GAREM1: variants seen among roughly 807,000 people sequenced by gnomAD.
GAREM1 encodes GRB2-associated and regulator of MAPK protein 1.
Under a neutral mutation model 71.3 loss-of-function variants are expected in GAREM1, and 26 were observed. The ratio of observed to expected loss-of-function variants is 0.36; its 90% CI spans 0.27 to 0.51. The LOEUF is 0.51. Ranked by LOEUF, GAREM1 falls within the 20% of genes least tolerant of loss-of-function variation. The pLI, the probability that GAREM1 is intolerant of heterozygous loss-of-function variation, is 0.95. For synonymous variants in GAREM1, 440 were observed against 433.2 expected, an observed-to-expected ratio of 1.02 and a Z score of -0.20; for missense variants, 1,026 against 1,103.1, an observed-to-expected ratio of 0.93 and a Z score of 0.99.
At chr18:32,422,302 C>T (rs1252652961) in intron 1 of GAREM1, among the ~76,000 whole-genome samples, 5 of 152,148 alleles carry the variant, frequency 3.3e-5, no homozygotes, top group Non-Finnish European at 7.3e-5. Context: ...TCTCTGACTT[C>T]TAACTCCCAT....
intron 1 of GAREM1, among the ~76,000 whole-genome samples, chr18:32,419,631 A>G (rs1462891478): frequency 6.6e-6 from 1 of 152,166 alleles, no homozygotes; most frequent in Non-Finnish European, 1.5e-5. Flanking sequence ...TTGTTACAGC[A>G]GCCTGAACTA....
chr18:32,344,631 A>G (rs2047677176), intron 2 of GAREM1, among the ~76,000 whole-genome samples: 1 of 152,224 alleles, frequency 6.6e-6, no homozygotes, highest in South Asian at 2.1e-4. Context: ...ATGGGTAAAA[A>G]AATTAACTAA....
At position 32,280,440 on chromosome 18, in the gene GAREM1, A is replaced by C. The variant is rs534174361; in HGVS notation, c.1566+6591T>G. ...TATCCAAGGCCACTTCTCACCTTTGATATTTCTGTGTTGGTTTGCCCGGGA... is the reference window on the plus strand; with the variant it reads ...TATCCAAGGCCACTTCTCACCTTTGCTATTTCTGTGTTGGTTTGCCCGGGA... On this transcript the variant is annotated intron_variant, in intron 4 of 5. Transcript: ENST00000269209. 7.9e-5 allele frequency among the ~76,000 whole-genome samples: 12 copies of C among 152,212 alleles called. No individual in the cohort carries two copies. The South Asian group carries it at 2.5e-3, about 32-fold the overall frequency.
intron 4 of GAREM1, among the ~76,000 whole-genome samples, chr18:32,278,251 A>C (rs1157187624): frequency 6.6e-6 from 1 of 152,212 alleles, no homozygotes; most frequent in African/African-American, 2.4e-5. Flanking sequence ...TGATGGATCT[A>C]GGGACATCTG....
At chr18:32,358,598 C>T (rs1182202633) in intron 2 of GAREM1, among the ~76,000 whole-genome samples, 2 of 152,102 alleles carry the variant, frequency 1.3e-5, no homozygotes, top group East Asian at 3.9e-4. Context: ...TTTCCCACAC[C>T]AAATGTCTTC....
chr18:32,375,744 C>T (rs2048025008), intron 2 of GAREM1, among the ~76,000 whole-genome samples: 1 of 152,048 alleles, frequency 6.6e-6, no homozygotes, highest in Non-Finnish European at 1.5e-5. Context: ...ATAGGATCTG[C>T]CTGCCTCTTC....
At chr18:32,391,989 G>C (rs1035396155) in intron 2 of GAREM1, among the ~76,000 whole-genome samples, 5 of 152,096 alleles carry the variant, frequency 3.3e-5, no homozygotes, top group Non-Finnish European at 7.3e-5. Context: ...TAGACAGTGG[G>C]AATACAGTAA....
intron 4 of GAREM1, among the ~76,000 whole-genome samples, chr18:32,272,955 G>T (rs2144422449): frequency 6.6e-6 from 1 of 152,332 alleles, no homozygotes; most frequent in African/African-American, 2.4e-5. Context: ...TTCTGGCTTT[G>T]GTTCATCTTC....
chr18:32,389,416 A>C (rs541407205), intron 2 of GAREM1, among the ~76,000 whole-genome samples: 4 of 152,188 alleles, frequency 2.6e-5, no homozygotes, highest in Non-Finnish European at 5.9e-5. Flanking sequence ...AATTACCCTA[A>C]GAGAAAGGCA....
intron 4 of GAREM1, among the ~76,000 whole-genome samples, chr18:32,278,212 T>C (rs982711807): frequency 2.0e-5 from 3 of 152,130 alleles, no homozygotes; most frequent in African/African-American, 7.2e-5. Context: ...TTCAGAGCAG[T>C]GGTGGGTGCT....
chr18:32,362,225 G>A (rs549463446), intron 2 of GAREM1, among the ~76,000 whole-genome samples: 1 of 152,240 alleles, frequency 6.6e-6, no homozygotes, highest in East Asian at 1.9e-4. Context: ...CAGTCTTCAC[G>A]ATTCACAGTT....
chr18:32,373,949 T>A (rs567824699), intron 2 of GAREM1, among the ~76,000 whole-genome samples: 1 of 152,350 alleles, frequency 6.6e-6, no homozygotes, highest in South Asian at 2.1e-4. Context: ...GATGACAATG[T>A]TCTTACAGAT....
chr18:32,301,593 G>C (rs1210762978), intron 3 of GAREM1, among the ~76,000 whole-genome samples: 1 of 152,196 alleles, frequency 6.6e-6, no homozygotes, highest in African/African-American at 2.4e-5. Context: ...GAACTCACCA[G>C]CCTCAGCCAA....
rs117739976 is a variant in GAREM1 at position 32,306,394 on chromosome 18, T to C, written c.393+3799A>G. Reference sequence around the variant, plus strand: ...TAATGCCTCTCAACCTTGGCACTACTGACATTTTGGGTTGGACAATCCTTT... The same window carrying C: ...TAATGCCTCTCAACCTTGGCACTACCGACATTTTGGGTTGGACAATCCTTT... On this transcript the variant is annotated intron_variant, in intron 3 of 5. Coordinates refer to ENST00000269209, the MANE Select transcript of GAREM1 (RefSeq NM_001242409.2). Among the ~76,000 whole-genome samples, 239 of 152,296 alleles carry C rather than the reference T, an allele frequency of 1.6e-3. 6 individuals are homozygous for C. In the East Asian group the frequency reaches 0.043, roughly 27 times the overall value.
At chr18:32,445,285 A>G (rs2048775790) in intron 1 of GAREM1, among the ~76,000 whole-genome samples, 1 of 152,170 alleles carries the variant, frequency 6.6e-6, no homozygotes, top group Admixed American at 6.6e-5. Flanking sequence ...TTACAGAATT[A>G]TTAAAAGATA....
intron 1 of GAREM1, among the ~76,000 whole-genome samples, chr18:32,402,788 G>A (rs1246346871): frequency 6.6e-6 from 1 of 152,000 alleles, no homozygotes; most frequent in Non-Finnish European, 1.5e-5. Context: ...CCCTTCATTA[G>A]GCATCATATA....
chr18:32,354,259 T>A (rs1199147083), intron 2 of GAREM1, among the ~76,000 whole-genome samples: 3 of 152,198 alleles, frequency 2.0e-5, no homozygotes, highest in South Asian at 4.1e-4. Context: ...AATAACTTAG[T>A]TTGAAAGTAT....
intron 1 of GAREM1, among the ~76,000 whole-genome samples, chr18:32,411,986 T>A (rs1038439172): frequency 6.6e-6 from 1 of 152,206 alleles, no homozygotes; most frequent in African/African-American, 2.4e-5. Flanking sequence ...TTGGAATGCT[T>A]TACACTTTCC....
At chr18:32,426,815 C>A (rs1296934783) in intron 1 of GAREM1, among the ~76,000 whole-genome samples, 3 of 152,138 alleles carry the variant, frequency 2.0e-5, no homozygotes, top group Non-Finnish European at 4.4e-5. Context: ...AATTTTCCTC[C>A]AGGTGGCTGC....
Sources: allele counts gnomAD v4.1 joint callset (sites outside exome capture counted in the v4.1 genomes callset), GRCh38; gene constraint gnomAD v4.1.1; transcripts MANE v1.5; gene names NCBI Gene and HGNC (gene_info 2026-07-23, HGNC 2026-07-21).